SRP54: variants seen among roughly 807,000 people sequenced by gnomAD.
SRP54 encodes signal recognition particle 54.
Under a neutral mutation model 64.8 loss-of-function variants are expected in SRP54, and 10 were observed. The ratio of observed to expected loss-of-function variants is 0.15; its 90% CI spans 0.10 to 0.26. SRP54 has a LOEUF of 0.26. Among genes scored for constraint, SRP54 ranks in the 10% least tolerant of loss-of-function variants. The probability of loss-of-function intolerance (pLI) is 1.00; values close to 1 mark genes in which losing one functional copy is unlikely to be tolerated. For synonymous variants in SRP54, 193 were observed against 185.6 expected, an observed-to-expected ratio of 1.04 and a Z score of -0.32; for missense variants, 325 against 613.7, an observed-to-expected ratio of 0.53 and a Z score of 4.97.
At chr14:35,011,805 A>G (rs754882528) in intron 8 of SRP54, 146 bp downstream of exon 8, 76 of 585,902 alleles carry the variant, frequency 1.3e-4, no homozygotes, top group Non-Finnish European at 1.9e-4. Context: ...ACCTATATCT[A>G]TGTGGTAGGG....
intron 5 of SRP54, among the ~76,000 whole-genome samples, chr14:35,007,622 A>C (rs1457828410): frequency 2.4e-5 from 3 of 122,900 alleles, no homozygotes; most frequent in South Asian, 5.5e-4. Context: ...AATATATTTT[A>C]TTAAAATATA....
At chr14:35,020,198 A>T (rs993412756) in intron 13 of SRP54, among the ~76,000 whole-genome samples, 1 of 152,044 alleles carries the variant, frequency 6.6e-6, no homozygotes, top group Non-Finnish European at 1.5e-5. Flanking sequence ...AGAAAAAAAT[A>T]AAAAAATATA....
chr14:34,991,319 G>A lies in SRP54; in HGVS notation c.-33-5358G>A, dbSNP rs146330871. 5.3e-4 allele frequency among the ~76,000 whole-genome samples: 80 copies of A among 151,500 alleles called. 1 individual carries two copies. The East Asian group carries it at 0.013, about 24-fold the overall frequency. On this transcript the variant is annotated intron_variant, in intron 1 of 15. Transcript: ENST00000216774. ...TAATTTTTGTATTTTCAGTAGAGAT[G>A]GGGTTTCACCATGTTGGCCAGGCTG...
intron 2 of SRP54, 196 bp downstream of exon 2, chr14:34,996,983 T>C: frequency 2.5e-6 from 1 of 405,556 alleles, no homozygotes; most frequent in Non-Finnish European, 4.4e-6. Context: ...TTCAACTTTC[T>C]ATAAAGAATT....
intron 7 of SRP54, 28 bp downstream of exon 7, chr14:35,008,859 T>G: frequency 6.7e-7 from 1 of 1,488,058 alleles, no homozygotes; most frequent in Non-Finnish European, 9.2e-7. Flanking sequence ...ATTTTAACAC[T>G]TATATCCCTC....
At chr14:35,010,170 G>A (rs995730525) in intron 7 of SRP54, among the ~76,000 whole-genome samples, 3 of 150,270 alleles carry the variant, frequency 2.0e-5, no homozygotes, top group South Asian at 4.2e-4. Context: ...TTTTTAGGCC[G>A]GGCACAGTGG....
intron 2 of SRP54, among the ~76,000 whole-genome samples, chr14:34,998,083 G>A (rs993034775): frequency 6.6e-6 from 1 of 152,064 alleles, no homozygotes; most frequent in African/African-American, 2.4e-5. Flanking sequence ...AGATCAGTTC[G>A]AATTTTAGCA....
At chr14:34,984,773 A>T (rs2043867878) in intron 1 of SRP54, among the ~76,000 whole-genome samples, 1 of 152,156 alleles carries the variant, frequency 6.6e-6, no homozygotes, top group Non-Finnish European at 1.5e-5. Context: ...AAGTGCTGGG[A>T]TTACAGGTGT....
chr14:35,013,081 T>G (rs560355175), intron 8 of SRP54, among the ~76,000 whole-genome samples: 284 of 151,876 alleles, frequency 1.9e-3, no homozygotes, highest in Non-Finnish European at 2.8e-3. Context: ...GTAGCTGGGA[T>G]TACAGGCACT....
chr14:35,010,411 A>G (rs2044337262), intron 7 of SRP54, among the ~76,000 whole-genome samples: 1 of 152,076 alleles, frequency 6.6e-6, no homozygotes, highest in African/African-American at 2.4e-5. Flanking sequence ...GCATCATTGC[A>G]CTCCACCATG....
chr14:34,999,005 G>T (rs1393736875), intron 2 of SRP54, among the ~76,000 whole-genome samples: 22,129 of 91,142 alleles, frequency 0.24, 3,128 homozygotes, highest in East Asian at 0.51. Flanking sequence ...GTGTGTGTGT[G>T]TGTGTGTGGT....
chr14:35,013,735 A>G, intron 9 of SRP54, 67 bp from the exon 10 acceptor site: 1 of 1,429,256 alleles, frequency 7.0e-7, no homozygotes, highest in East Asian at 2.3e-5. Context: ...TTCACTTCGA[A>G]TTTCAGATCT....
At chr14:35,007,801 T>C (rs1436982913) in intron 5 of SRP54, among the ~76,000 whole-genome samples, 1 of 110,958 alleles carries the variant, frequency 9.0e-6, no homozygotes, top group Non-Finnish European at 2.0e-5. Flanking sequence ...TAATAACATA[T>C]TAAGATATAA....
At chr14:34,998,862 C>T (rs1423269673) in intron 2 of SRP54, among the ~76,000 whole-genome samples, 1 of 151,486 alleles carries the variant, frequency 6.6e-6, no homozygotes, top group African/African-American at 2.4e-5. Flanking sequence ...CTATATACCA[C>T]TACATAATAG....
At chr14:35,028,735 A>G (rs2044674288) in intron 15 of SRP54, among the ~76,000 whole-genome samples, 4 of 152,184 alleles carry the variant, frequency 2.6e-5, no homozygotes, top group Admixed American at 1.3e-4. Context: ...TGTAACTTAG[A>G]GTAAGACCCT....
At chr14:35,003,978 C>T (rs1038353173) in intron 4 of SRP54, among the ~76,000 whole-genome samples, 8 of 150,846 alleles carry the variant, frequency 5.3e-5, no homozygotes, top group African/African-American at 1.5e-4. Flanking sequence ...GGCATGGTGG[C>T]GCATGCCTGT....
chr14:34,991,123 TTTTTTTG>T (rs2043969889), intron 1 of SRP54, among the ~76,000 whole-genome samples: 1 of 136,676 alleles, frequency 7.3e-6, no homozygotes, highest in Admixed American at 7.7e-5. Flanking sequence ...TTTTTTTTTT[TTTTTTTG>T]TTGTTGTTGT....
chr14:34,998,890 T>C (rs891769086), intron 2 of SRP54, among the ~76,000 whole-genome samples: 25 of 151,404 alleles, frequency 1.7e-4, no homozygotes, highest in South Asian at 8.3e-4. Flanking sequence ...AGCTCTTCAA[T>C]AAAGTAGAAA....
At chr14:35,003,021 CA>C (rs1474420648) in intron 4 of SRP54, among the ~76,000 whole-genome samples, 1 of 152,122 alleles carries the variant, frequency 6.6e-6, no homozygotes, top group Non-Finnish European at 1.5e-5. Context: ...GTTAGGATTA[CA>C]CATGTCAGCC....
Sources: gnomAD v4.1 joint callset for allele counts (sites outside exome capture counted in the v4.1 genomes callset) on GRCh38, gnomAD v4.1.1 for gene constraint, MANE v1.5 for transcripts, NCBI Gene and HGNC (gene_info 2026-07-23, HGNC 2026-07-21) for gene names.